RTTN: variants seen among roughly 807,000 people sequenced by gnomAD.
RTTN encodes the protein rotatin.
A neutral mutation model predicts 269.2 loss-of-function variants in RTTN; 182 were observed. The ratio of observed to expected loss-of-function variants is 0.68; its 90% CI spans 0.60 to 0.76. RTTN has a LOEUF of 0.76. Ranked by LOEUF, RTTN falls within the 30% of genes least tolerant of loss-of-function variation. The pLI is 0.00. For synonymous variants in RTTN, 1,006 were observed against 963.5 expected, an observed-to-expected ratio of 1.04 and a Z score of -0.82; for missense variants, 2,545 against 2,608.6, an observed-to-expected ratio of 0.98 and a Z score of 0.53.
chr18:70,122,049 A>T (rs2059751682), intron 25 of RTTN, among the ~76,000 whole-genome samples: 1 of 152,180 alleles, frequency 6.6e-6, no homozygotes, highest in Non-Finnish European at 1.5e-5. Flanking sequence ...TGGGAATGTC[A>T]TGTTTCACTG....
chr18:70,109,477 C>G, intron 28 of RTTN, 21 bp downstream of exon 28: 1 of 1,586,184 alleles, frequency 6.3e-7, no homozygotes, highest in East Asian at 2.2e-5. Context: ...TAAATAACTA[C>G]CATATGCTAT....
chr18:70,134,393 G>A (rs185103552), intron 23 of RTTN, 80 bp downstream of exon 23: 40 of 1,084,392 alleles, frequency 3.7e-5, no homozygotes, highest in Non-Finnish European at 2.2e-5. Context: ...AATGAAAATT[G>A]TGACAAATTA....
At chr18:70,141,041 T>C (rs1318213500) in intron 19 of RTTN, among the ~76,000 whole-genome samples, 2 of 152,190 alleles carry the variant, frequency 1.3e-5, no homozygotes, top group African/African-American at 4.8e-5. Context: ...AAGGCATACT[T>C]TTGAAATGTT....
At chr18:70,051,618 C>T (rs2057671850) in intron 38 of RTTN, 70 bp from the exon 39 acceptor site, 1 of 1,191,814 alleles carries the variant, frequency 8.4e-7, no homozygotes, top group African/African-American at 1.6e-5. Flanking sequence ...AGATATAAAA[C>T]TTACCACAGA....
chr18:70,204,928 G>A (rs1200878350), intron 2 of RTTN, among the ~76,000 whole-genome samples, 200 bp downstream of exon 2: 4 of 152,096 alleles, frequency 2.6e-5, no homozygotes. Flanking sequence ...TGTTACTTCT[G>A]AGCACAGCAG....
intron 17 of RTTN, among the ~76,000 whole-genome samples, chr18:70,147,805 G>T (rs1057127607): frequency 6.6e-6 from 1 of 151,970 alleles, no homozygotes; most frequent in African/African-American, 2.4e-5. Context: ...AGGACCTTGG[G>T]CCCGAAAAAC....
chr18:70,143,426 C>T (rs754781840), intron 18 of RTTN, among the ~76,000 whole-genome samples: 2 of 152,074 alleles, frequency 1.3e-5, no homozygotes, highest in Non-Finnish European at 2.9e-5. Context: ...TAAAAAAGGA[C>T]GAGATCATGT....
In RTTN at chr18:70,004,288, T is replaced by C. The variant is rs751056993; in HGVS notation, c.6596-52A>G. The stretch of plus-strand genomic sequence containing the variant: ...AATACTAGTTTATGAAACTTGGTAC[T>C]ATACTTAGGAGGCACACACATAAAC... On this transcript the variant is annotated intron_variant, in intron 48 of 48. Coordinates refer to ENST00000640769, the MANE Select transcript of RTTN (RefSeq NM_173630.4). 2.3e-6 allele frequency: 3 copies of C among 1,290,688 alleles called. No individual in the cohort carries two copies. In the African/African-American group the frequency reaches 4.4e-5, roughly 19 times the overall value. 80.0% of individuals were successfully genotyped at this position (1,290,688 alleles called of 1,614,324 possible). A position where few individuals can be genotyped will look rare whatever the true frequency, so the allele number is the denominator to read the frequency against.
At chr18:70,100,749 C>G (rs1021781262) in intron 28 of RTTN, among the ~76,000 whole-genome samples, 1 of 152,216 alleles carries the variant, frequency 6.6e-6, no homozygotes, top group Non-Finnish European at 1.5e-5. Flanking sequence ...GAGATACGTC[C>G]CATCAATACC....
chr18:70,052,857 T>C (rs1484290036), intron 38 of RTTN, among the ~76,000 whole-genome samples: 1 of 152,094 alleles, frequency 6.6e-6, no homozygotes, highest in Non-Finnish European at 1.5e-5. Flanking sequence ...AGCTAATAGA[T>C]ATACATTCAG....
chr18:70,042,670 C>G (rs1199676798), intron 40 of RTTN, among the ~76,000 whole-genome samples: 2 of 152,182 alleles, frequency 1.3e-5, no homozygotes, highest in African/African-American at 4.8e-5. Context: ...GCACCGCGCC[C>G]AGCCAAGGCT....
At chr18:70,060,144 T>C (rs1362331218) in intron 35 of RTTN, 102 bp from the exon 36 acceptor site, 12 of 1,077,038 alleles carry the variant, frequency 1.1e-5, no homozygotes, top group Non-Finnish European at 1.4e-5. Context: ...AATGATAATG[T>C]ATAGTTGGGG....
In RTTN at chr18:70,065,730, T is replaced by A. The variant is rs2058115242; in HGVS notation, c.4747+99A>T. On this transcript the variant is annotated intron_variant, in intron 35 of 48. Coordinates refer to ENST00000640769, the MANE Select transcript of RTTN (RefSeq NM_173630.4). Reference sequence around the variant, plus strand: ...TCATAATGGTCTACAACTTATTTCATTAAAATTTTGTTCTTTAGACATTTA... The same window carrying A: ...TCATAATGGTCTACAACTTATTTCAATAAAATTTTGTTCTTTAGACATTTA... 1.7e-5 allele frequency: 11 copies of A among 653,756 alleles called. 1 individual carries two copies. Among genetic ancestry groups the A allele is most frequent in the Non-Finnish European group, 2.3e-5 (9 of 388,214 alleles). 40.5% of individuals were successfully genotyped at this position (653,756 alleles called of 1,614,324 possible).
At chr18:70,134,893 A>G (rs1321966104) in intron 22 of RTTN, among the ~76,000 whole-genome samples, 1 of 152,138 alleles carries the variant, frequency 6.6e-6, no homozygotes, top group Non-Finnish European at 1.5e-5. Flanking sequence ...AAATATTAAG[A>G]AAAAAACACA....
chr18:70,185,467 T>C (rs1443511934), intron 10 of RTTN, among the ~76,000 whole-genome samples: 1 of 152,182 alleles, frequency 6.6e-6, no homozygotes, highest in African/African-American at 2.4e-5. Flanking sequence ...AAACTAAGAA[T>C]ACATGGAACT....
chr18:70,197,815 C>A, intron 5 of RTTN, 77 bp from the exon 6 acceptor site: 1 of 881,474 alleles, frequency 1.1e-6, no homozygotes, highest in Non-Finnish European at 1.9e-6. Context: ...GACACAATGA[C>A]TCCATTAACA....
At chr18:70,132,179 C>T (rs2060014473) in intron 23 of RTTN, among the ~76,000 whole-genome samples, 2 of 152,002 alleles carry the variant, frequency 1.3e-5, no homozygotes, top group Admixed American at 6.6e-5. Flanking sequence ...ACATTGTCAG[C>T]CAGAATGACA....
intron 31 of RTTN, among the ~76,000 whole-genome samples, chr18:70,087,238 G>A (rs1458802170): frequency 1.3e-5 from 2 of 152,166 alleles, no homozygotes; most frequent in African/African-American, 4.8e-5. Context: ...TCTGCTTAAT[G>A]AAAGATGAAA....
Position 70,139,598 on chromosome 18 carries a change from C to T in RTTN, c.2788+1G>A, listed in dbSNP as rs774687475. 3.2e-6 allele frequency: 5 copies of T among 1,576,404 alleles called. No individual in the cohort carries two copies. The highest frequency in any genetic ancestry group is 2.6e-6 in the Non-Finnish European group (3 of 1,149,066). The stretch of plus-strand genomic sequence containing the variant: ...TTATTAGCAGATTTTCTTTTATTTA[C>T]CTCTGAATAACACGGTCAAAAGAGA... On this transcript the variant is annotated splice_donor_variant, in intron 21 of 48. Coordinates refer to ENST00000640769, the MANE Select transcript of RTTN (RefSeq NM_173630.4). LOFTEE classifies it high-confidence loss of function.
Sources: allele counts gnomAD v4.1 joint callset (sites outside exome capture counted in the v4.1 genomes callset), GRCh38; gene constraint gnomAD v4.1.1; transcripts MANE v1.5; gene names NCBI Gene and HGNC (gene_info 2026-07-23, HGNC 2026-07-21).